NUP210: variants seen among roughly 807,000 people sequenced by gnomAD.
NUP210 encodes the protein nucleoporin 210.
A neutral mutation model predicts 196.0 loss-of-function variants in NUP210; 151 were observed. The ratio of observed to expected loss-of-function variants is 0.77; its 90% CI spans 0.67 to 0.88. NUP210 has a LOEUF of 0.88. Among genes scored for constraint, NUP210 ranks in the 40% least tolerant of loss-of-function variants. NUP210 has a pLI of 0.00. For missense variants in NUP210, 2,314 were observed against 2,493.7 expected, an observed-to-expected ratio of 0.93 and a Z score of 1.53; for synonymous variants, 1,070 against 1,052.7, an observed-to-expected ratio of 1.02 and a Z score of -0.32.
chr3:13,386,349 G>A lies in NUP210; in HGVS notation c.743C>T (p.Ala248Val), dbSNP rs1473872835. The A allele has an allele frequency of 6.2e-7, 1 of 1,614,156 alleles. No homozygotes were observed. Among genetic ancestry groups the A allele is most frequent in the Admixed American group, 1.7e-5 (1 of 60,026 alleles). Residue 248 changes from alanine to valine, a missense_variant, in exon 6 of 40, where the codon GCC (alanine) becomes GTC (valine). Coordinates refer to ENST00000254508, the MANE Select transcript of NUP210 (RefSeq NM_024923.4). ...TCCCACCATCAGGTAGACGTCATAGGCCGGGTTCAGAAGGATGTTTTCCAA... is the reference window on the plus strand; with the variant it reads ...TCCCACCATCAGGTAGACGTCATAGACCGGGTTCAGAAGGATGTTTTCCAA... ...LILENILLNP[A>V]YDVYLMVGTS...
At position 13,406,848 on chromosome 3, in the gene NUP210, C is replaced by A. The variant is rs534328328; in HGVS notation, c.168-6987G>T. On this transcript the variant is annotated intron_variant, in intron 1 of 39. Coordinates refer to ENST00000254508, the MANE Select transcript of NUP210 (RefSeq NM_024923.4). ...AACACCTCTGCCCCAACCCCCCCCA[C>A]CCCCCACACGGCACACATGGCAGGT... 2.8e-3 allele frequency among the ~76,000 whole-genome samples: 423 copies of A among 150,670 alleles called. 4 individuals are homozygous for A. Among genetic ancestry groups the A allele is most frequent in the African/African-American group, 0.01 (410 of 40,838 alleles).
chr3:13,337,075 A>G, intron 26 of NUP210, 157 bp from the exon 27 acceptor site: 3 of 830,144 alleles, frequency 3.6e-6, no homozygotes, highest in Non-Finnish European at 5.6e-6. Context: ...ATGAAATATC[A>G]AACGAGCAAA....
In NUP210 at chr3:13,345,914, T is replaced by A. The variant is rs768208593; in HGVS notation, c.2836-2611A>T. Among the ~76,000 whole-genome samples, 95 of 152,344 alleles carry A rather than the reference T, an allele frequency of 6.2e-4. 1 individual carries two copies. Among genetic ancestry groups the A allele is most frequent in the Admixed American group, 4.8e-3 (73 of 15,308 alleles). On this transcript the variant is annotated intron_variant, in intron 20 of 39. Coordinates refer to ENST00000254508, the MANE Select transcript of NUP210 (RefSeq NM_024923.4). Reference sequence around the variant, plus strand: ...TAAGGCTCCAACCTGAAACTCCTACTGTAGTTACTGCTGTCAGGAGTGGGC... The same window carrying A: ...TAAGGCTCCAACCTGAAACTCCTACAGTAGTTACTGCTGTCAGGAGTGGGC...
rs938603865 is a variant in NUP210 at position 13,364,803 on chromosome 3, G to A, written c.1932+1143C>T. 1.4e-4 allele frequency among the ~76,000 whole-genome samples: 22 copies of A among 152,190 alleles called. 2 individuals are homozygous for A. The highest frequency in any genetic ancestry group is 7.2e-4 in the Admixed American group (11 of 15,290). On this transcript the variant is annotated intron_variant, in intron 14 of 39. Transcript: ENST00000254508. ...AGATGGCGCCATTGCACTCCAGCCT[G>A]GGCAACAAGAGTGAAACTCTGTCTC... is the stretch of plus-strand genomic sequence containing the variant.
In NUP210 at chr3:13,328,887, C is replaced by A. The variant is rs1254033861; in HGVS notation, c.4170G>T (p.Lys1390Asn). 8 of 1,613,912 alleles carry A rather than the reference C, an allele frequency of 5.0e-6. No homozygotes were observed. Among genetic ancestry groups the A allele is most frequent in the South Asian group, 1.1e-5 (1 of 91,088 alleles). Residue 1390 changes from lysine to asparagine, a missense_variant, in exon 31 of 40, where the codon AAG becomes AAT. By Grantham distance (94) the Lys-to-Asn change is moderately conservative. Transcript: ENST00000254508. ...CCAAAGGCACGGCCACCAGGGCCTC[C>A]TTGTTCTGGGTGTGCAGGACAGGGC... Reference protein sequence around the residue: ...SMSPVLHTQNKEALVAVPLGM... With the variant: ...SMSPVLHTQNNEALVAVPLGM...
At chr3:13,407,538 C>A (rs551075794) in intron 1 of NUP210, among the ~76,000 whole-genome samples, 1 of 152,268 alleles carries the variant, frequency 6.6e-6, no homozygotes, top group South Asian at 2.1e-4. Context: ...CACCTGCCAT[C>A]AAATCTAACC....
Position 13,353,567 on chromosome 3 carries a change from C to T in NUP210, c.2615G>A (p.Arg872Lys), listed in dbSNP as rs138982967. ...CCTGGGAGATACCGGCTGCTTTGTT[C>T]TGGCAGAGCTGAGGTGGGACTCCTG... Reference protein sequence around the residue: ...GYQESHLSSARTKQPHDPLVP... With the variant: ...GYQESHLSSAKTKQPHDPLVP... The change falls in exon 18 of 40, where the codon AGA becomes AAA. Residue 872 changes from arginine (R) to lysine (K), a missense_variant. Arg to Lys is a conservative substitution (Grantham distance 26). Coordinates refer to ENST00000254508, the MANE Select transcript of NUP210 (RefSeq NM_024923.4). 241 of 1,614,022 alleles carry T rather than the reference C, an allele frequency of 1.5e-4. No individual in the cohort carries two copies. The African/African-American group carries it at 2.8e-3, about 19-fold the overall frequency.
chr3:13,375,508 A>G lies in NUP210; in HGVS notation c.1427T>C (p.Ile476Thr). 6.2e-7 allele frequency: 1 copy of G among 1,613,994 alleles called. No homozygotes were observed. The highest frequency in any genetic ancestry group is 1.1e-5 in the South Asian group (1 of 91,066). Residue 476 changes from isoleucine (I) to threonine (T), a missense_variant, in exon 11 of 40, where the codon ATA becomes ACA. Coordinates refer to ENST00000254508, the MANE Select transcript of NUP210 (RefSeq NM_024923.4). ...GAGGTGAGGGGTCTCACGTACCCTT[A>G]TTGTGTACTGATAGGCGCCCGTCTT... ...QPKTGAYQYT[I>T]RAHGGSGNFS...
intron 16 of NUP210, 51 bp from the exon 17 acceptor site, chr3:13,354,158 G>GACACTGACC (rs1194914344): frequency 6.7e-7 from 1 of 1,487,700 alleles, no homozygotes; most frequent in Non-Finnish European, 9.1e-7. Flanking sequence ...ACTGGACCTG[G>GACACTGACC]ACACTGACCA....
In NUP210 at chr3:13,386,301, T is replaced by C; in HGVS notation, c.791A>G (p.Gln264Arg). 1 of 1,614,146 alleles carries C rather than the reference T, an allele frequency of 6.2e-7. No homozygotes were observed. Among genetic ancestry groups the C allele is most frequent in the Non-Finnish European group, 8.5e-7 (1 of 1,179,998 alleles). ...MVGTSIHYKVQKIRQGKITEL... is the reference protein window; with the variant it reads ...MVGTSIHYKVRKIRQGKITEL... ...TGTAATTTTCCCTTGCCTGATCTTC[T>C]GCACCTTGTAGTGAATGGAGGTTCC... Residue 264 changes from glutamine to arginine, a missense_variant, in exon 6 of 40, where the codon CAG (glutamine) becomes CGG (arginine). Gln to Arg is a conservative substitution (Grantham distance 43). Transcript: ENST00000254508.
At chr3:13,343,331 G>T (rs541816146) in intron 20 of NUP210, 28 bp from the exon 21 acceptor site, 5 of 1,591,824 alleles carry the variant, frequency 3.1e-6, no homozygotes, top group Non-Finnish European at 2.6e-6. Context: ...AGGTGGAGGG[G>T]TGGGTGGTGG....
chr3:13,349,024 G>C (rs569200444), intron 20 of NUP210, among the ~76,000 whole-genome samples: 1 of 152,382 alleles, frequency 6.6e-6, no homozygotes, highest in African/African-American at 2.4e-5. Context: ...GGAGGTGCCA[G>C]TTCTGCAGGA....
At chr3:13,401,173 C>T (rs551217232) in intron 1 of NUP210, among the ~76,000 whole-genome samples, 38 of 36,310 alleles carry the variant, frequency 1.0e-3, no homozygotes, top group Admixed American at 1.5e-3. Context: ...GCAGGAGAAT[C>T]GCTTGAACCC....
rs751672337 is a variant in NUP210, at chr3:13,342,079, GTC to G, written c.3007_3008del (p.Asp1003LeufsTer31). ...KTVKAYVRVL[D>X]LHKKPFLAKY... The stretch of plus-strand genomic sequence containing the variant: ...TGGCAAGGAAGGGCTTCTTGTGCAA[GTC>G]CAGCACGCGGACGTATGCCTTCACT... On this transcript the variant is annotated frameshift_variant, in exon 22 of 40. Transcript: ENST00000254508. LOFTEE classifies it high-confidence loss of function. 1.2e-6 allele frequency: 2 copies of G among 1,614,212 alleles called. No homozygotes were observed. The highest frequency in any genetic ancestry group is 1.7e-6 in the Non-Finnish European group (2 of 1,180,042).
Position 13,323,551 on chromosome 3 carries a change from A to T in NUP210, c.4645-119T>A. ...AGTGTCACCCGTTTCACAGGTGGCA[A>T]CACTGAGGCTCAAAGCCTAAACGCC... On this transcript the variant is annotated intron_variant, in intron 33 of 39. Transcript: ENST00000254508. The surrounding 1 kb of genome is among the most constrained non-coding windows in gnomAD (Gnocchi z 4.3). 1 of 1,159,374 alleles carries T rather than the reference A, an allele frequency of 8.6e-7. No individual in the cohort carries two copies. Among genetic ancestry groups the T allele is most frequent in the Non-Finnish European group, 1.2e-6 (1 of 814,366 alleles). The allele number at this position is 1,159,374 out of a possible 1,614,324, so 71.8% of individuals were successfully genotyped here. A position where few individuals can be genotyped will look rare whatever the true frequency, so the allele number is the denominator to read the frequency against.
intron 10 of NUP210, 90 bp downstream of exon 10, chr3:13,376,201 T>C: frequency 7.1e-7 from 1 of 1,407,216 alleles, no homozygotes; most frequent in South Asian, 1.2e-5. Flanking sequence ...CCCAACTCCC[T>C]GGGACTCATG....
chr3:13,396,754 C>G (rs1282978526), intron 3 of NUP210, among the ~76,000 whole-genome samples: 2 of 67,132 alleles, frequency 3.0e-5, no homozygotes, highest in Admixed American at 2.4e-4. Flanking sequence ...GAGCAAGACT[C>G]TGTCTCAAAA....
Position 13,396,696 on chromosome 3 carries a change from G to A in NUP210, c.436+661C>T, listed in dbSNP as rs538526250. ...AATCGCTTGAACTCAGGAGGCAGAG[G>A]TTGCAGTAAGCCAAGATCGCACCAC... On this transcript the variant is annotated intron_variant, in intron 3 of 39. Coordinates refer to ENST00000254508, the MANE Select transcript of NUP210 (RefSeq NM_024923.4). Among the ~76,000 whole-genome samples the A allele has an allele frequency of 7.5e-4, 104 of 137,786 alleles. 2 individuals are homozygous for A. The highest frequency in any genetic ancestry group is 2.8e-3 in the African/African-American group (101 of 36,680). 90.4% of individuals were successfully genotyped at this position (137,786 alleles called of 152,430 possible). A position where few individuals can be genotyped will look rare whatever the true frequency, so the allele number is the denominator to read the frequency against.
Position 13,323,540 on chromosome 3 carries a change from C to A in NUP210, c.4645-108G>T. On this transcript the variant is annotated intron_variant, in intron 33 of 39. Coordinates refer to ENST00000254508, the MANE Select transcript of NUP210 (RefSeq NM_024923.4). The surrounding 1 kb of genome is among the most constrained non-coding windows in gnomAD (Gnocchi z 4.3). ...GTCTGTGACATAGTGTCACCCGTTT[C>A]ACAGGTGGCAACACTGAGGCTCAAA... 2.3e-6 allele frequency: 3 copies of A among 1,287,522 alleles called. No individual in the cohort carries two copies. Among genetic ancestry groups the A allele is most frequent in the African/African-American group, 1.5e-5 (1 of 67,982 alleles). The allele number at this position is 1,287,522 out of a possible 1,614,324, so 79.8% of individuals were successfully genotyped here.
Sources: allele counts gnomAD v4.1 joint callset (sites outside exome capture counted in the v4.1 genomes callset), GRCh38; gene constraint gnomAD v4.1.1; non-coding constraint Gnocchi (gnomAD v3.1); transcripts MANE v1.5; gene names NCBI Gene and HGNC (gene_info 2026-07-23, HGNC 2026-07-21).